KIF6: variants seen among roughly 807,000 people sequenced by gnomAD.
KIF6 encodes the protein kinesin family member 6.
In KIF6, 106 loss-of-function variants were observed where a neutral mutation model predicts 112.7. The observed-to-expected ratio is 0.94, with a 90% CI of 0.80 to 1.11. The LOEUF is 1.11. Ranked by LOEUF, KIF6 falls within the 50% of genes least tolerant of loss-of-function variation. The probability of loss-of-function intolerance (pLI) is 0.00; values close to 1 mark genes in which losing one functional copy is unlikely to be tolerated. For synonymous variants in KIF6, 339 were observed against 339.9 expected (o/e 1.00, Z 0.03); for missense variants, 929 against 964.0 (o/e 0.96, Z 0.48).
chr6:39,694,432 G>A (rs72853237), intron 3 of KIF6, among the ~76,000 whole-genome samples: 9,201 of 152,218 alleles, frequency 0.06, 380 homozygotes, highest in Non-Finnish European at 0.092. Flanking sequence ...GGATTCTGCC[G>A]AAAGTCTCCT....
At chr6:39,472,269 T>A (rs1774161202) in intron 13 of KIF6, among the ~76,000 whole-genome samples, 1 of 152,166 alleles carries the variant, frequency 6.6e-6, no homozygotes, top group Non-Finnish European at 1.5e-5. Flanking sequence ...TGTCTGTTCC[T>A]CTTCAGTTTT....
In KIF6 at chr6:39,348,959, G is replaced by A. The variant is rs767552791; in HGVS notation, c.2181-2433C>T. Among the ~76,000 whole-genome samples, 20 of 152,326 alleles carry A rather than the reference G, an allele frequency of 1.3e-4. No individual in the cohort carries two copies. In the East Asian group the frequency reaches 2.1e-3, roughly 16 times the overall value. ...TATCTGCTCACAGAGTGACCGTGTC[G>A]GAGGGACCTTTGCACATCTTACAGA... On this transcript the variant is annotated intron_variant, in intron 19 of 22. Transcript: ENST00000287152.
chr6:39,600,416 A>G (rs147253440), intron 6 of KIF6, among the ~76,000 whole-genome samples: 369 of 152,326 alleles, frequency 2.4e-3, no homozygotes, highest in Non-Finnish European at 4.0e-3. Flanking sequence ...AGGAACTTAC[A>G]ATCTAGTCAG....
chr6:39,591,545 G>A (rs1393921370), intron 7 of KIF6, among the ~76,000 whole-genome samples: 1 of 152,132 alleles, frequency 6.6e-6, no homozygotes, highest in Middle Eastern at 3.2e-3. Context: ...TTTATGAAAC[G>A]TTTGAAGACT....
At position 39,644,384 on chromosome 6, in the gene KIF6, A is replaced by G. The variant is rs1484677262; in HGVS notation, c.252-4627T>C. ...GTGAATGTTCACAACAGCATTATTC[A>G]TTATTTAGCCAAAAAGTGGAAACAA... On this transcript the variant is annotated intron_variant, in intron 3 of 22. Coordinates refer to ENST00000287152, the MANE Select transcript of KIF6 (RefSeq NM_145027.6). Among the ~76,000 whole-genome samples the G allele has an allele frequency of 2.6e-5, 4 of 152,268 alleles. No individual in the cohort carries two copies. The East Asian group carries it at 7.7e-4, about 29-fold the overall frequency.
rs976146884 is a variant in KIF6, at chr6:39,520,699, T to C, written c.1645+19304A>G. Among the ~76,000 whole-genome samples, 5 of 152,190 alleles carry C rather than the reference T, an allele frequency of 3.3e-5. No homozygotes were observed. The East Asian group carries it at 7.7e-4, about 24-fold the overall frequency. On this transcript the variant is annotated intron_variant, in intron 13 of 22. Transcript: ENST00000287152. The stretch of plus-strand genomic sequence containing the variant: ...GGAGGTTAAAAGACAGTGTAACAGG[T>C]GACAGAGGGCTTTTCAAGCAATGAC...
At chr6:39,567,332 G>C (rs1561817508) in intron 10 of KIF6, among the ~76,000 whole-genome samples, 1 of 152,154 alleles carries the variant, frequency 6.6e-6, no homozygotes, top group Non-Finnish European at 1.5e-5. Context: ...AAATGCTCAT[G>C]CATGATGAAA....
At chr6:39,455,982 A>G (rs1445131846) in intron 13 of KIF6, among the ~76,000 whole-genome samples, 1 of 88,590 alleles carries the variant, frequency 1.1e-5, no homozygotes, top group Non-Finnish European at 2.3e-5. Context: ...CCAATCTAGC[A>G]AGGCAGGCCA....
At chr6:39,709,320 A>C (rs1375487639) in intron 3 of KIF6, among the ~76,000 whole-genome samples, 1 of 152,204 alleles carries the variant, frequency 6.6e-6, no homozygotes, top group Non-Finnish European at 1.5e-5. Context: ...TTTTGGGATG[A>C]AACTGTTCCG....
At chr6:39,345,630 G>T in intron 21 of KIF6, 70 bp downstream of exon 21, 2 of 1,299,258 alleles carry the variant, frequency 1.5e-6, no homozygotes, top group South Asian at 1.3e-5. Context: ...TCGGGGAGTA[G>T]ACTGGAGATG....
intron 13 of KIF6, among the ~76,000 whole-genome samples, chr6:39,465,990 T>G (rs1390720235): frequency 6.6e-6 from 1 of 152,230 alleles, no homozygotes; most frequent in Non-Finnish European, 1.5e-5. Flanking sequence ...TTTCCAGGCA[T>G]AGTCCTCGGC....
intron 2 of KIF6, among the ~76,000 whole-genome samples, chr6:39,716,266 C>A (rs1789842950): frequency 6.6e-6 from 1 of 152,228 alleles, no homozygotes; most frequent in African/African-American, 2.4e-5. Flanking sequence ...CCAGTCACTT[C>A]TAACAAGATT....
chr6:39,680,868 C>A (rs1032861641), intron 3 of KIF6, among the ~76,000 whole-genome samples: 33 of 152,276 alleles, frequency 2.2e-4, no homozygotes, highest in African/African-American at 7.5e-4. Flanking sequence ...AGAAGAAGGA[C>A]TGCAGGTGGG....
At chr6:39,572,659 C>CTTTT (rs35901482) in intron 10 of KIF6, among the ~76,000 whole-genome samples, 3 of 102,206 alleles carry the variant, frequency 2.9e-5, no homozygotes, top group Non-Finnish European at 3.9e-5. Context: ...GATCTACAGG[C>CTTTT]TTTTTTTTTT....
chr6:39,717,587 C>T (rs1012487015), intron 2 of KIF6, among the ~76,000 whole-genome samples: 16 of 152,084 alleles, frequency 1.1e-4, no homozygotes, highest in African/African-American at 3.6e-4. Flanking sequence ...CTCCATGGCA[C>T]GTAGCACCTT....
chr6:39,439,881 G>A (rs1045071152), intron 13 of KIF6, among the ~76,000 whole-genome samples: 2 of 152,098 alleles, frequency 1.3e-5, no homozygotes, highest in African/African-American at 4.8e-5. Context: ...CCTTTAGTCT[G>A]GGGTACATGG....
chr6:39,383,744 G>A (rs980702975), intron 16 of KIF6, among the ~76,000 whole-genome samples: 1 of 152,028 alleles, frequency 6.6e-6, no homozygotes, highest in African/African-American at 2.4e-5. Context: ...ACTGTAGATT[G>A]TTTTGGACAT....
intron 3 of KIF6, among the ~76,000 whole-genome samples, chr6:39,663,052 C>A (rs1486161427): frequency 6.6e-6 from 1 of 151,992 alleles, no homozygotes; most frequent in South Asian, 2.1e-4. Flanking sequence ...CACCGCCATG[C>A]CTGGCTAGTT....
At chr6:39,555,835 T>C (rs572827520) in intron 10 of KIF6, among the ~76,000 whole-genome samples, 1 of 150,850 alleles carries the variant, frequency 6.6e-6, no homozygotes, top group African/African-American at 2.4e-5. Flanking sequence ...ATGCCTGTAA[T>C]CCCAGTTACT....
Sources: allele counts gnomAD v4.1 joint callset (sites outside exome capture counted in the v4.1 genomes callset), GRCh38; gene constraint gnomAD v4.1.1; transcripts MANE v1.5; gene names NCBI Gene and HGNC (gene_info 2026-07-23, HGNC 2026-07-21).